The following NBAS variants were observed in gnomAD, a reference collection of about 807,000 sequenced individuals.
The protein encoded by NBAS is NAG/BC035112 fusion.
A neutral mutation model predicts 302.5 loss-of-function variants in NBAS; 219 were observed. The observed-to-expected ratio is 0.72, with a 90% CI of 0.65 to 0.81. The LOEUF (loss-of-function observed/expected upper bound fraction) is 0.81. NBAS is among the 30% of genes least tolerant of loss of function. The pLI, the probability that NBAS is intolerant of heterozygous loss-of-function variation, is 0.00. For synonymous variants in NBAS, 1,118 were observed against 1,021.6 expected (o/e 1.09, Z -1.80); for missense variants, 2,932 against 2,841.6 (o/e 1.03, Z -0.72).
intron 41 of NBAS, among the ~76,000 whole-genome samples, chr2:15,291,376 T>A (rs1236301398): frequency 6.6e-6 from 1 of 152,248 alleles, no homozygotes; most frequent in Admixed American, 6.5e-5. Context: ...TATACAAAGT[T>A]TATAGAGCAC....
At chr2:15,463,105 TCAA>T (rs1312859276) in intron 19 of NBAS, among the ~76,000 whole-genome samples, 4 of 152,016 alleles carry the variant, frequency 2.6e-5, no homozygotes, top group African/African-American at 4.8e-5. Flanking sequence ...AGATCTCACC[TCAA>T]CAACAACAAC....
At chr2:15,203,890 T>TTTTGTGTGTGTGTG (rs753349171) in intron 48 of NBAS, among the ~76,000 whole-genome samples, 9 of 129,536 alleles carry the variant, frequency 6.9e-5, no homozygotes, top group African/African-American at 2.5e-4. Context: ...GTGTGTGTGC[T>TTTTGTGTGTGTGTG]TGTGTGTGTG....
At chr2:14,867,389 T>G in the NBAS span, among the ~76,000 whole-genome samples, 1 of 152,176 alleles carries the variant, frequency 6.6e-6, no homozygotes, top group African/African-American at 2.4e-5. Context: ...AGAGTCAGCC[T>G]TCTCTTGGGG....
chr2:15,502,370 A>AAG (rs781536909), intron 11 of NBAS, among the ~76,000 whole-genome samples: 10 of 152,250 alleles, frequency 6.6e-5, no homozygotes, highest in Non-Finnish European at 1.3e-4. Context: ...ATCACTTAAC[A>AAG]ACAGGGAGAT....
At chr2:15,103,061 AAGGGAGGGAGGGAGGC>A in the NBAS span, among the ~76,000 whole-genome samples, 38 of 146,604 alleles carry the variant, frequency 2.6e-4, no homozygotes, top group African/African-American at 8.3e-4. Flanking sequence ...GGAGGGAAGG[AAGGGAGGGAGGGAGGC>A]AGGGTTTGCC....
At chr2:15,479,470 A>T (rs1434984814) in intron 12 of NBAS, among the ~76,000 whole-genome samples, 1 of 152,200 alleles carries the variant, frequency 6.6e-6, no homozygotes, top group Non-Finnish European at 1.5e-5. Flanking sequence ...TTTACGTGGC[A>T]CATGTACCTT....
Position 15,309,103 on chromosome 2 carries a change from A to G in NBAS, c.4659+68T>C, listed in dbSNP as rs1572631412. ...TGGCATGCAATAAACAATTTTACCG[A>G]TGAAAATTCACAGCATACATTTTCC... On this transcript the variant is annotated intron_variant, in intron 39 of 51. Coordinates refer to ENST00000281513, the MANE Select transcript of NBAS (RefSeq NM_015909.4). 7 of 1,290,702 alleles carry G rather than the reference A, an allele frequency of 5.4e-6. No individual in the cohort carries two copies. In the East Asian group the frequency reaches 1.5e-4, roughly 27 times the overall value. 80.0% of individuals were successfully genotyped at this position (1,290,702 alleles called of 1,614,324 possible). A position where few individuals can be genotyped will look rare whatever the true frequency, so the allele number is the denominator to read the frequency against.
chr2:15,166,902 C>G, downstream of NBAS: 3 of 1,087,696 alleles, frequency 2.8e-6, no homozygotes, highest in Non-Finnish European at 3.8e-6. Flanking sequence ...GTTAAAAAAG[C>G]GGCAGCTTGC....
the NBAS span, among the ~76,000 whole-genome samples, chr2:15,009,328 C>G: frequency 2.0e-5 from 3 of 152,036 alleles, no homozygotes; most frequent in African/African-American, 7.2e-5. Context: ...ACACCATCAT[C>G]CTCAAGTTAT....
At chr2:15,184,330 G>C (rs1249243227) in intron 50 of NBAS, among the ~76,000 whole-genome samples, 2 of 152,168 alleles carry the variant, frequency 1.3e-5, no homozygotes, top group East Asian at 3.9e-4. Flanking sequence ...AAGCACATTA[G>C]ATTTATTGGG....
At position 15,547,229 on chromosome 2, in the gene NBAS, T is replaced by C. The variant is rs1346063473; in HGVS notation, c.379+4264A>G. 3.9e-5 allele frequency among the ~76,000 whole-genome samples: 6 copies of C among 152,276 alleles called. No individual in the cohort carries two copies. The East Asian group carries it at 1.2e-3, about 29-fold the overall frequency. On this transcript the variant is annotated intron_variant, in intron 6 of 51. Transcript: ENST00000281513. The stretch of plus-strand genomic sequence containing the variant: ...AGAACCAAATAGCTCCTATTTCAGT[T>C]TGTAGACTCTGCAATATGTAGTTTC...
chr2:14,920,823 T>C, the NBAS span, among the ~76,000 whole-genome samples: 2 of 152,126 alleles, frequency 1.3e-5, no homozygotes, highest in Non-Finnish European at 1.5e-5. Flanking sequence ...TAGGCTTTGG[T>C]TTAAGGGAAT....
chr2:15,472,183 G>A (rs1195246217), intron 16 of NBAS, among the ~76,000 whole-genome samples: 3 of 152,154 alleles, frequency 2.0e-5, no homozygotes, highest in Non-Finnish European at 2.9e-5. Flanking sequence ...TCTGGGTGCT[G>A]GAGGGCCACT....
chr2:15,534,766 A>C (rs1300664062), intron 8 of NBAS, 125 bp from the exon 9 acceptor site: 7 of 774,208 alleles, frequency 9.0e-6, no homozygotes, highest in Non-Finnish European at 1.4e-5. Flanking sequence ...GATATAAAAC[A>C]ACCAGAACTC....
At chr2:15,232,874 A>T (rs549275580) in intron 46 of NBAS, among the ~76,000 whole-genome samples, 145 of 148,582 alleles carry the variant, frequency 9.8e-4, no homozygotes, top group Middle Eastern at 3.4e-3. Flanking sequence ...TTTTTTTTTT[A>T]AAAGCACTAA....
intron 47 of NBAS, among the ~76,000 whole-genome samples, chr2:15,220,908 T>G (rs1340163986): frequency 1.3e-5 from 2 of 152,178 alleles, no homozygotes. Flanking sequence ...CCACTGAGTA[T>G]GTCTTTCAGT....
chr2:15,553,559 T>C, intron 4 of NBAS, 86 bp from the exon 5 acceptor site: 1 of 1,242,152 alleles, frequency 8.1e-7, no homozygotes, highest in Non-Finnish European at 1.2e-6. Flanking sequence ...TTTAATAAGT[T>C]AAAAATCATT....
chr2:15,156,058 C>T, the NBAS span, among the ~76,000 whole-genome samples: 1,150 of 152,222 alleles, frequency 7.6e-3, 10 homozygotes, highest in African/African-American at 0.026. Flanking sequence ...AGAGACTTGA[C>T]GGGTATAAAA....
chr2:15,189,459 G>C (rs1347850099), intron 49 of NBAS, among the ~76,000 whole-genome samples: 2 of 152,262 alleles, frequency 1.3e-5, no homozygotes, highest in Non-Finnish European at 2.9e-5. Flanking sequence ...CAGTATGTCA[G>C]CTGAGCATGG....
Sources: gnomAD v4.1 joint callset for allele counts (sites outside exome capture counted in the v4.1 genomes callset) on GRCh38, gnomAD v4.1.1 for gene constraint, MANE v1.5 for transcripts, NCBI Gene and HGNC (gene_info 2026-07-23, HGNC 2026-07-21) for gene names.